The following CXCL16 variants were observed in gnomAD, a reference collection of about 807,000 sequenced individuals.
The protein encoded by CXCL16 is C-X-C motif chemokine 16.
A neutral mutation model predicts 23.8 loss-of-function variants in CXCL16; 18 were observed. The observed-to-expected ratio is 0.76, with a 90% CI of 0.52 to 1.12. The LOEUF (loss-of-function observed/expected upper bound fraction) is 1.12. Among genes scored for constraint, CXCL16 ranks in the 50% most tolerant of loss-of-function variants. The pLI, the probability that CXCL16 is intolerant of heterozygous loss-of-function variation, is 0.00. For missense variants in CXCL16, 297 were observed against 315.4 expected, an observed-to-expected ratio of 0.94 and a Z score of 0.44; for synonymous variants, 123 against 132.5, an observed-to-expected ratio of 0.93 and a Z score of 0.49.
At position 4,738,436 on chromosome 17, in the gene CXCL16, C is replaced by T. The variant is rs772629335; in HGVS notation, c.273G>A (p.Gln91=). 8.1e-6 allele frequency: 13 copies of T among 1,614,028 alleles called. No homozygotes were observed. Among genetic ancestry groups the T allele is most frequent in the Non-Finnish European group, 1.1e-5 (13 of 1,179,978 alleles). ...VCGGNKDPWV[Q]ELMSCLDLKE... is the part of the protein sequence containing the mutation. ...TGAGATCAAGACAGCTCATCAATTC[C>T]TGAACCCATGGGTCCTTGTTGCCCC... The change falls in exon 3 of 6, where the codon CAG becomes CAA. Residue 91 remains glutamine (Q), a synonymous_variant. Transcript: ENST00000293778. This position sits in a 1 kb window ranked among gnomAD's most constrained non-coding sequence, Gnocchi z 4.0.
chr17:4,739,105 C>G lies in CXCL16; in HGVS notation c.79+156G>C. The G allele has an allele frequency of 8.3e-7, 1 of 1,203,710 alleles. No individual in the cohort carries two copies. The highest frequency in any genetic ancestry group is 1.5e-5 in the South Asian group (1 of 65,648). The allele number at this position is 1,203,710 out of a possible 1,614,324, so 74.6% of individuals were successfully genotyped here. On this transcript the variant is annotated intron_variant, in intron 1 of 5. Coordinates refer to ENST00000293778, the MANE Select transcript of CXCL16 (RefSeq NM_001386809.1). The surrounding 1 kb of genome is among the most constrained non-coding windows in gnomAD (Gnocchi z 5.3). ...ATAATCCCGCCCGGAGCCAGGCGTC[C>G]CCGGGCCTCTGTCCCCAACCCCAGG...
chr17:4,737,391 A>G (rs1916184863), intron 3 of CXCL16, among the ~76,000 whole-genome samples: 1 of 150,440 alleles, frequency 6.6e-6, no homozygotes, highest in Non-Finnish European at 1.5e-5. Context: ...CAGCCTGACC[A>G]ACACGGTGAA....
chr17:4,739,610 C>T lies in CXCL16; in HGVS notation c.-271G>A. On this transcript the variant is annotated 5_prime_UTR_variant, in exon 1 of 6. Coordinates refer to ENST00000293778, the MANE Select transcript of CXCL16 (RefSeq NM_001386809.1). The surrounding 1 kb of genome is among the most constrained non-coding windows in gnomAD (Gnocchi z 5.3). The stretch of plus-strand genomic sequence containing the variant: ...GCGCCCTGCGCCCCCGCACTGGGCC[C>T]GGCTCCGTCGAGGGAAGGCCAGGAA... 1.5e-6 allele frequency: 1 copy of T among 663,208 alleles called. No homozygotes were observed. 41.1% of individuals were successfully genotyped at this position (663,208 alleles called of 1,614,324 possible).
intron 3 of CXCL16, among the ~76,000 whole-genome samples, chr17:4,737,241 A>G (rs1259839001): frequency 6.6e-6 from 1 of 152,178 alleles, no homozygotes; most frequent in African/African-American, 2.4e-5. Flanking sequence ...ACATGCTGAA[A>G]TGTCTTGGGA....
At chr17:4,735,069 G>C in intron 4 of CXCL16, 23 bp downstream of exon 4, 1 of 1,585,076 alleles carries the variant, frequency 6.3e-7, no homozygotes, top group East Asian at 2.3e-5. Context: ...TCCCTGGGGG[G>C]AGGGTTCAAA....
At chr17:4,736,450 C>T (rs924747556) in intron 3 of CXCL16, 8 of 152,200 alleles carry the variant, frequency 5.3e-5, no homozygotes, top group African/African-American at 1.2e-4. Context: ...GAGCGAACCA[C>T]GAGACAAGTG....
chr17:4,735,175 A>C lies in CXCL16; in HGVS notation c.635T>G (p.Leu212Arg). The change falls in exon 4 of 6, where the codon CTG (leucine) becomes CGG (arginine). Residue 212 changes from leucine (L) to arginine (R), a missense_variant. By Grantham distance (102) the Leu-to-Arg change is moderately radical. Transcript: ENST00000293778. ...TGCGGTGAGGATGAAGATGATGGCCAGGAGGCACAGGACTGGCACTGTGGC... is the reference window on the plus strand; with the variant it reads ...TGCGGTGAGGATGAAGATGATGGCCCGGAGGCACAGGACTGGCACTGTGGC... ...TSATVPVLCL[L>R]AIIFILTAAL... is the part of the protein sequence containing the mutation. The C allele has an allele frequency of 6.2e-7, 1 of 1,614,198 alleles. No individual in the cohort carries two copies. The highest frequency in any genetic ancestry group is 1.1e-5 in the South Asian group (1 of 91,086).
In CXCL16 at chr17:4,738,621, T is replaced by A; in HGVS notation, c.219-131A>T. 1.0e-6 allele frequency: 1 copy of A among 983,040 alleles called. No individual in the cohort carries two copies. Among genetic ancestry groups the A allele is most frequent in the Non-Finnish European group, 1.5e-6 (1 of 659,384 alleles). 60.9% of individuals were successfully genotyped at this position (983,040 alleles called of 1,614,324 possible). On this transcript the variant is annotated intron_variant, in intron 2 of 5. Coordinates refer to ENST00000293778, the MANE Select transcript of CXCL16 (RefSeq NM_001386809.1). The surrounding 1 kb of genome is among the most constrained non-coding windows in gnomAD (Gnocchi z 4.0). Reference sequence around the variant, plus strand: ...TGGGACTGGGAAACTCCCCAGTAGGTGAGACGGAGTCATGAAGTTTCGGGG... The same window carrying A: ...TGGGACTGGGAAACTCCCCAGTAGGAGAGACGGAGTCATGAAGTTTCGGGG...
chr17:4,735,763 G>C (rs1402277781), intron 3 of CXCL16, among the ~76,000 whole-genome samples: 1 of 152,142 alleles, frequency 6.6e-6, no homozygotes, highest in Non-Finnish European at 1.5e-5. Context: ...TGTGAAGAAT[G>C]GACAGCTGTA....
rs138114709 is a variant in CXCL16, at chr17:4,735,105, C to T, written c.705G>A (p.Pro235=). 129 of 1,608,968 alleles carry T rather than the reference C, an allele frequency of 8.0e-5. No homozygotes were observed. Among genetic ancestry groups the T allele is most frequent in the South Asian group, 7.9e-4 (72 of 90,982 alleles). Residue 235 remains proline, a synonymous_variant, in exon 4 of 6, where the codon CCG becomes CCA. Coordinates refer to ENST00000293778, the MANE Select transcript of CXCL16 (RefSeq NM_001386809.1). ...GGTCCAGTTTACCTGGAGAGGACTG[C>T]GGTGACTGCCCCCTCCTCCTCTTGC... is the stretch of plus-strand genomic sequence containing the variant. ...VLCKRRRGQS[P]QSSPDLPVHY... is the part of the protein sequence containing the mutation.
At chr17:4,734,525 T>C (rs1916092779) in intron 5 of CXCL16, 46 bp from the exon 6 acceptor site, 5 of 1,143,030 alleles carry the variant, frequency 4.4e-6, no homozygotes, top group Non-Finnish European at 6.6e-6. Flanking sequence ...GTGCCTACCA[T>C]GTTGTCAGGG....
Position 4,739,140 on chromosome 17 carries a change from G to A in CXCL16, c.79+121C>T. ...TGTCCCCAACCCCAGGCGGCTGGCT[G>A]GCTTTCCTCTTGTCCCCGCTGCCTT... On this transcript the variant is annotated intron_variant, in intron 1 of 5. Coordinates refer to ENST00000293778, the MANE Select transcript of CXCL16 (RefSeq NM_001386809.1). The surrounding 1 kb of genome is among the most constrained non-coding windows in gnomAD (Gnocchi z 5.3). 2.2e-6 allele frequency: 3 copies of A among 1,366,164 alleles called. No individual in the cohort carries two copies. The highest frequency in any genetic ancestry group is 3.0e-6 in the Non-Finnish European group (3 of 1,003,012). 84.6% of individuals were successfully genotyped at this position (1,366,164 alleles called of 1,614,324 possible). A position where few individuals can be genotyped will look rare whatever the true frequency, so the allele number is the denominator to read the frequency against.
In CXCL16 at chr17:4,737,815, A is replaced by G. The variant is rs147480458; in HGVS notation, c.301+593T>C. 3.0e-3 allele frequency among the ~76,000 whole-genome samples: 457 copies of G among 151,382 alleles called. 10 individuals carry two copies. The highest frequency in any genetic ancestry group is 0.011 in the African/African-American group (444 of 41,206). Reference sequence around the variant, plus strand: ...ATTCTTTCAACTTTTGTATATGTGTAAATTTTCATAATAAAATATTGGAAA... The same window carrying G: ...ATTCTTTCAACTTTTGTATATGTGTGAATTTTCATAATAAAATATTGGAAA... On this transcript the variant is annotated intron_variant, in intron 3 of 5. Coordinates refer to ENST00000293778, the MANE Select transcript of CXCL16 (RefSeq NM_001386809.1).
chr17:4,737,865 C>T (rs1916200469), intron 3 of CXCL16, among the ~76,000 whole-genome samples: 1 of 151,106 alleles, frequency 6.6e-6, no homozygotes, highest in Non-Finnish European at 1.5e-5. Context: ...GGTGTGGTGG[C>T]TCACGCCTGT....
rs540517831 is a variant in CXCL16 at position 4,739,076 on chromosome 17, A to T, written c.80-156T>A. On this transcript the variant is annotated intron_variant, in intron 1 of 5. Transcript: ENST00000293778. This position sits in a 1 kb window ranked among gnomAD's most constrained non-coding sequence, Gnocchi z 5.3. ...CACACATCATCACGCCCCCGACAAC[A>T]TCCATAATCCCGCCCGGAGCCAGGC... The T allele has an allele frequency of 1.7e-6, 2 of 1,180,426 alleles. No individual in the cohort carries two copies. The highest frequency in any genetic ancestry group is 2.7e-5 in the Admixed American group (1 of 36,996). The allele number at this position is 1,180,426 out of a possible 1,614,324, so 73.1% of individuals were successfully genotyped here.
rs1308140147 is a variant in CXCL16, at chr17:4,735,237, C to G, written c.573G>C (p.Gln191His). ...CTGTGGGACCAGCATTTTTTTCCGG[C>G]TGCTTCTGGTTCTCCCCAGCCTCAG... is the stretch of plus-strand genomic sequence containing the variant. ...AGPEAGENQKQPEKNAGPTAR... is the reference protein window; with the variant it reads ...AGPEAGENQKHPEKNAGPTAR... Residue 191 changes from glutamine to histidine, a missense_variant, in exon 4 of 6, where the codon CAG becomes CAC. Physicochemically the swap from Gln to His is conservative, Grantham distance 24. Transcript: ENST00000293778. The G allele has an allele frequency of 6.2e-7, 1 of 1,614,098 alleles. No individual in the cohort carries two copies. Among genetic ancestry groups the G allele is most frequent in the Middle Eastern group, 1.6e-4 (1 of 6,062 alleles).
In CXCL16 at chr17:4,739,461, G is replaced by T; in HGVS notation, c.-122C>A. The stretch of plus-strand genomic sequence containing the variant: ...TCGCCGGGGACCGGAGGAGACGGCG[G>T]CCGGAGAGGAGGCGCGAGCCAGCTG... On this transcript the variant is annotated 5_prime_UTR_variant, in exon 1 of 6. Transcript: ENST00000293778. This position sits in a 1 kb window ranked among gnomAD's most constrained non-coding sequence, Gnocchi z 5.3. 1 of 1,485,152 alleles carries T rather than the reference G, an allele frequency of 6.7e-7. No homozygotes were observed. Among genetic ancestry groups the T allele is most frequent in the Non-Finnish European group, 9.2e-7 (1 of 1,086,464 alleles). The allele number at this position is 1,485,152 out of a possible 1,614,324, so 92.0% of individuals were successfully genotyped here.
chr17:4,738,469 G>C lies in CXCL16; in HGVS notation c.240C>G (p.Ser80Arg). Reference sequence around the variant, plus strand: ...ATGGGTCCTTGTTGCCCCCACACACGCTCCAGGAAAGGAGCTGGAACCTGC... The same window carrying C: ...ATGGGTCCTTGTTGCCCCCACACACCCTCCAGGAAAGGAGCTGGAACCTGC... ...YYTRFQLLSW[S>R]VCGGNKDPWV... is the part of the protein sequence containing the mutation. The change falls in exon 3 of 6, where the codon AGC becomes AGG. Residue 80 changes from serine to arginine, a missense_variant. Ser to Arg is a moderately radical substitution (Grantham distance 110). Transcript: ENST00000293778. The surrounding 1 kb of genome is among the most constrained non-coding windows in gnomAD (Gnocchi z 4.0). 1 of 1,613,730 alleles carries C rather than the reference G, an allele frequency of 6.2e-7. No homozygotes were observed. The highest frequency in any genetic ancestry group is 8.5e-7 in the Non-Finnish European group (1 of 1,179,672).
chr17:4,739,494 C>T lies in CXCL16; in HGVS notation c.-155G>A. ...GGAGGCGCGAGCCAGCTGCACCCCC[C>T]GGCCCTGCTGTGCCCCGACCGTGCG... On this transcript the variant is annotated 5_prime_UTR_variant, in exon 1 of 6. Coordinates refer to ENST00000293778, the MANE Select transcript of CXCL16 (RefSeq NM_001386809.1). The surrounding 1 kb of genome is among the most constrained non-coding windows in gnomAD (Gnocchi z 5.3). The T allele has an allele frequency of 1.8e-6, 2 of 1,095,264 alleles. No individual in the cohort carries two copies. The allele number at this position is 1,095,264 out of a possible 1,614,324, so 67.8% of individuals were successfully genotyped here.
Sources: gnomAD v4.1 joint callset for allele counts (sites outside exome capture counted in the v4.1 genomes callset) on GRCh38, gnomAD v4.1.1 for gene constraint, Gnocchi (gnomAD v3.1) non-coding constraint, MANE v1.5 for transcripts, NCBI Gene and HGNC (gene_info 2026-07-23, HGNC 2026-07-21) for gene names.